The following IL23R variants were observed in gnomAD, a reference collection of about 807,000 sequenced individuals.
IL23R encodes the protein interleukin 23 receptor, also known as interleukin-23 receptor.
A neutral mutation model predicts 56.9 loss-of-function variants in IL23R; 34 were observed. The ratio of observed to expected loss-of-function variants is 0.60; its 90% confidence interval spans 0.45 to 0.80. The LOEUF (loss-of-function observed/expected upper bound fraction) is 0.80. Ranked by LOEUF, IL23R falls within the 30% of genes least tolerant of loss-of-function variation. The pLI is 0.00. For missense variants in IL23R, 635 were observed against 730.0 expected (o/e 0.87, Z 1.50); for synonymous variants, 230 against 249.2 (o/e 0.92, Z 0.73).
chr1:67,171,716 T>A (rs1646946484), intron 3 of IL23R, among the ~76,000 whole-genome samples: 1 of 152,180 alleles, frequency 6.6e-6, no homozygotes, highest in African/African-American at 2.4e-5. Context: ...TGGTTATATG[T>A]CACTTAACAG....
At chr1:67,201,145 T>C (rs138496902) in intron 5 of IL23R, among the ~76,000 whole-genome samples, 1,929 of 152,154 alleles carry the variant, frequency 0.013, 39 homozygotes, top group African/African-American at 0.044. Context: ...GGCTCACGCC[T>C]GTAATCCCAG....
chr1:67,234,463 GT>G lies in IL23R; in HGVS notation c.956-2245del, dbSNP rs573892825. On this transcript the variant is annotated intron_variant, in intron 7 of 10. Coordinates refer to ENST00000347310, the MANE Select transcript of IL23R (RefSeq NM_144701.3). ...AAAACCCTAGTCAGATATGAAAATTGTTTTTATATGATGCAAATTAATAACT... is the reference window on the plus strand; with the variant it reads ...AAAACCCTAGTCAGATATGAAAATTGTTTTATATGATGCAAATTAATAACT... Among the ~76,000 whole-genome samples the G allele has an allele frequency of 1.2e-3, 182 of 152,242 alleles. 1 individual carries two copies. Among genetic ancestry groups the G allele is most frequent in the African/African-American group, 4.0e-3 (165 of 41,558 alleles).
intron 7 of IL23R, among the ~76,000 whole-genome samples, chr1:67,232,345 C>G (rs758559596): frequency 2.6e-5 from 4 of 152,146 alleles, no homozygotes; most frequent in Non-Finnish European, 5.9e-5. Context: ...CAAGGCCAGG[C>G]AGCCCCAACA....
At chr1:67,188,765 T>C (rs1171145077) in intron 4 of IL23R, among the ~76,000 whole-genome samples, 2 of 152,180 alleles carry the variant, frequency 1.3e-5, no homozygotes, top group African/African-American at 4.8e-5. Flanking sequence ...TCTCACATAG[T>C]AGAAGGGGCC....
chr1:67,255,387 T>C (rs929893371), intron 9 of IL23R, among the ~76,000 whole-genome samples: 3 of 152,186 alleles, frequency 2.0e-5, no homozygotes, highest in Admixed American at 6.5e-5. Context: ...CACTTAATTT[T>C]CATTAAGTAA....
At chr1:67,258,033 C>T (rs1359300114) in intron 10 of IL23R, among the ~76,000 whole-genome samples, 1 of 151,966 alleles carries the variant, frequency 6.6e-6, no homozygotes, top group African/African-American at 2.4e-5. Context: ...CACTCATTCT[C>T]GGTATGTGAG....
chr1:67,260,406 T>C (rs1037563361), downstream of IL23R, among the ~76,000 whole-genome samples: 4 of 152,196 alleles, frequency 2.6e-5, no homozygotes, highest in East Asian at 7.7e-4. Flanking sequence ...AACAGGTATC[T>C]GTTCAGTACC....
chr1:67,150,407 G>C lies in IL23R; in HGVS notation c.-634+11246G>C, dbSNP rs867229367. Among the ~76,000 whole-genome samples the C allele has an allele frequency of 3.4e-4, 52 of 151,772 alleles. 1 individual carries two copies. Among genetic ancestry groups the C allele is most frequent in the Non-Finnish European group, 4.4e-4 (30 of 67,950 alleles). On this transcript the variant is annotated intron_variant, in intron 1 of 10. Transcript: ENST00000637002. ...GCATGCATTAGGTATTTGTCCTAATGCTCTCCCTCCCCTTGCTCCCCACCT... is the reference window on the plus strand; with the variant it reads ...GCATGCATTAGGTATTTGTCCTAATCCTCTCCCTCCCCTTGCTCCCCACCT...
intron 4 of IL23R, among the ~76,000 whole-genome samples, chr1:67,190,043 T>C (rs1647629665): frequency 6.6e-6 from 1 of 152,230 alleles, no homozygotes. Context: ...GGTAGTATTA[T>C]GTTTAAAGGA....
chr1:67,194,295 T>TG (rs953235318), intron 4 of IL23R, among the ~76,000 whole-genome samples: 2 of 150,896 alleles, frequency 1.3e-5, no homozygotes, highest in African/African-American at 4.9e-5. Flanking sequence ...GCAAGGGGGT[T>TG]GGGGGGACTG....
intron 7 of IL23R, among the ~76,000 whole-genome samples, chr1:67,220,462 T>G (rs1005909529): frequency 6.6e-6 from 1 of 152,056 alleles, no homozygotes; most frequent in Non-Finnish European, 1.5e-5. Context: ...TTGACCAAAA[T>G]TGACAAAACT....
At chr1:67,245,282 T>C (rs1652142780) in intron 9 of IL23R, among the ~76,000 whole-genome samples, 1 of 152,240 alleles carries the variant, frequency 6.6e-6, no homozygotes, top group Non-Finnish European at 1.5e-5. Flanking sequence ...CCTCTTTTCC[T>C]AATTGAATAC....
chr1:67,232,970 T>A (rs1291996767), intron 7 of IL23R, among the ~76,000 whole-genome samples: 1 of 152,002 alleles, frequency 6.6e-6, no homozygotes, highest in African/African-American at 2.4e-5. Flanking sequence ...CATGCCTGTT[T>A]CCCCGATCAC....
intron 7 of IL23R, among the ~76,000 whole-genome samples, chr1:67,231,372 A>G (rs1442231736): frequency 6.6e-6 from 1 of 152,222 alleles, no homozygotes; most frequent in Admixed American, 6.5e-5. Flanking sequence ...CAACAATAGC[A>G]ATAATTAGTG....
At chr1:67,192,447 A>G (rs1269831558) in intron 4 of IL23R, among the ~76,000 whole-genome samples, 1 of 152,068 alleles carries the variant, frequency 6.6e-6, no homozygotes, top group Non-Finnish European at 1.5e-5. Context: ...CACACCTAGG[A>G]CCTTTTATTA....
At chr1:67,247,093 T>C (rs1003967696) in intron 9 of IL23R, among the ~76,000 whole-genome samples, 1 of 152,206 alleles carries the variant, frequency 6.6e-6, no homozygotes, top group Non-Finnish European at 1.5e-5. Flanking sequence ...TTTTGATCTT[T>C]GTTGGTTTAA....
chr1:67,146,876 C>T (rs958110913), intron 1 of IL23R, among the ~76,000 whole-genome samples: 3 of 152,304 alleles, frequency 2.0e-5, no homozygotes, highest in African/African-American at 7.2e-5. Flanking sequence ...AATTGCTCTT[C>T]CCCCTTTCCA....
At chr1:67,150,595 A>G (rs1479273659) in intron 1 of IL23R, among the ~76,000 whole-genome samples, 1 of 148,742 alleles carries the variant, frequency 6.7e-6, no homozygotes, top group African/African-American at 2.5e-5. Context: ...TGCAAAGGAC[A>G]TGATCTTATT....
At chr1:67,147,506 C>T (rs934383805) in intron 1 of IL23R, among the ~76,000 whole-genome samples, 14 of 152,202 alleles carry the variant, frequency 9.2e-5, no homozygotes, top group African/African-American at 3.4e-4. Context: ...CGAGACCAGC[C>T]TGGCCAACAT....
Sources: allele counts gnomAD v4.1 joint callset (sites outside exome capture counted in the v4.1 genomes callset), GRCh38; gene constraint gnomAD v4.1.1; transcripts MANE v1.5; gene names NCBI Gene and HGNC (gene_info 2026-07-23, HGNC 2026-07-21).